Variants in ASIC2 observed in about 807,000 individuals in gnomAD.
ASIC2 encodes acid sensing ion channel subunit 2.
ASIC2 carries 25 observed loss-of-function variants against 57.3 expected under a neutral mutation model. The observed-to-expected ratio is 0.44, with a 90% CI of 0.32 to 0.61. The LOEUF (loss-of-function observed/expected upper bound fraction) is 0.61. Ranked by LOEUF, ASIC2 falls within the 20% of genes least tolerant of loss-of-function variation. The pLI is 0.06. For missense variants in ASIC2, 641 were observed against 738.1 expected (o/e 0.87, Z 1.52); for synonymous variants, 319 against 307.5 (o/e 1.04, Z -0.39).
intron 1 of ASIC2, among the ~76,000 whole-genome samples, chr17:33,242,874 T>C (rs977487947): frequency 7.2e-5 from 11 of 152,092 alleles, no homozygotes; most frequent in Non-Finnish European, 4.4e-5. Flanking sequence ...GAGTAAGAGA[T>C]CTGGATCGAG....
chr17:33,961,168 A>G (rs914809032), intron 1 of ASIC2, among the ~76,000 whole-genome samples: 1 of 152,180 alleles, frequency 6.6e-6, no homozygotes, highest in Admixed American at 6.5e-5. Flanking sequence ...AAATAATTTG[A>G]CCGGCTTTGA....
intron 3 of ASIC2, among the ~76,000 whole-genome samples, chr17:33,034,854 A>G (rs142801673): frequency 7.3e-4 from 111 of 152,268 alleles, no homozygotes; most frequent in African/African-American, 2.6e-3. Context: ...TCCTGGATCT[A>G]TGAAATGATG....
At chr17:33,844,057 C>T (rs1006545111) in intron 1 of ASIC2, among the ~76,000 whole-genome samples, 21 of 152,198 alleles carry the variant, frequency 1.4e-4, no homozygotes, top group African/African-American at 2.9e-4. Flanking sequence ...CACAAAGATG[C>T]AATCTTCATA....
At chr17:33,393,174 C>G (rs190930268) in intron 1 of ASIC2, among the ~76,000 whole-genome samples, 1 of 152,078 alleles carries the variant, frequency 6.6e-6, no homozygotes, top group African/African-American at 2.4e-5. Context: ...TCAATGGCTC[C>G]CTGGTGCCTA....
intron 1 of ASIC2, among the ~76,000 whole-genome samples, chr17:34,068,030 T>G (rs1037065757): frequency 1.3e-5 from 2 of 152,226 alleles, no homozygotes; most frequent in African/African-American, 4.8e-5. Context: ...CATTGGTTGC[T>G]TGCTTTTACA....
At chr17:33,869,194 A>T (rs149689601) in intron 1 of ASIC2, among the ~76,000 whole-genome samples, 118 of 152,338 alleles carry the variant, frequency 7.7e-4, no homozygotes, top group Non-Finnish European at 1.3e-3. Context: ...TGCACATTGA[A>T]ACCCACAATG....
chr17:33,809,853 C>T (rs1912370101), intron 1 of ASIC2, among the ~76,000 whole-genome samples: 1 of 152,198 alleles, frequency 6.6e-6, no homozygotes, highest in Non-Finnish European at 1.5e-5. Flanking sequence ...GATCACAGCA[C>T]ATATTCCTGC....
At chr17:33,823,664 T>A (rs1380909961) in intron 1 of ASIC2, among the ~76,000 whole-genome samples, 2 of 152,220 alleles carry the variant, frequency 1.3e-5, no homozygotes, top group Admixed American at 1.3e-4. Context: ...TTGGTCTCTA[T>A]GTTGCAGGCA....
chr17:34,108,489 A>C (rs2142107911), intron 1 of ASIC2, among the ~76,000 whole-genome samples: 1 of 152,268 alleles, frequency 6.6e-6, no homozygotes, highest in Non-Finnish European at 1.5e-5. Flanking sequence ...CATATAACTT[A>C]CCCTATTACC....
intron 1 of ASIC2, among the ~76,000 whole-genome samples, chr17:33,610,409 G>A (rs951415555): frequency 2.6e-5 from 4 of 151,976 alleles, no homozygotes; most frequent in Admixed American, 1.3e-4. Flanking sequence ...TGCCCGCCTC[G>A]GCCTCCCAAA....
intron 1 of ASIC2, among the ~76,000 whole-genome samples, chr17:33,844,155 T>C (rs2141910458): frequency 1.3e-5 from 2 of 152,344 alleles, no homozygotes; most frequent in African/African-American, 4.8e-5. Context: ...AGTGTGCTGG[T>C]AATACAGGTT....
chr17:33,685,775 A>G (rs904280843), intron 1 of ASIC2, among the ~76,000 whole-genome samples: 79 of 152,266 alleles, frequency 5.2e-4, no homozygotes, highest in African/African-American at 1.9e-3. Flanking sequence ...CACCAGCCCC[A>G]TTGGTCAGGT....
At chr17:33,694,629 C>A (rs188257677) in intron 1 of ASIC2, among the ~76,000 whole-genome samples, 2 of 152,270 alleles carry the variant, frequency 1.3e-5, no homozygotes, top group East Asian at 3.9e-4. Context: ...GGAAGAGACC[C>A]AGTCAAGCTA....
At chr17:33,018,911 A>T (rs1475358756) in intron 7 of ASIC2, among the ~76,000 whole-genome samples, 2 of 152,322 alleles carry the variant, frequency 1.3e-5, no homozygotes, top group East Asian at 3.9e-4. Context: ...TCTGGTAGGC[A>T]GATCTGCCCC....
chr17:33,045,122 C>T (rs571531750), intron 3 of ASIC2, among the ~76,000 whole-genome samples: 10 of 152,132 alleles, frequency 6.6e-5, no homozygotes, highest in Non-Finnish European at 2.9e-5. Context: ...ACTGTACCAG[C>T]TGAGGGCCTG....
chr17:33,669,973 C>A (rs1173777831), intron 1 of ASIC2, among the ~76,000 whole-genome samples: 1 of 152,112 alleles, frequency 6.6e-6, no homozygotes, highest in Admixed American at 6.5e-5. Context: ...TTAAGGTGGG[C>A]TTCCTGTAGA....
At chr17:33,702,452 G>A (rs544521592) in intron 1 of ASIC2, among the ~76,000 whole-genome samples, 5 of 152,238 alleles carry the variant, frequency 3.3e-5, no homozygotes, top group African/African-American at 9.6e-5. Flanking sequence ...CTTGAAATCT[G>A]GGCAACCCAA....
chr17:33,334,827 A>G (rs1302930849), intron 1 of ASIC2, among the ~76,000 whole-genome samples: 1 of 152,200 alleles, frequency 6.6e-6, no homozygotes, highest in African/African-American at 2.4e-5. Context: ...AGGCAAGCGC[A>G]AGACTAATGA....
chr17:34,153,901 G>A (rs1010333049), intron 1 of ASIC2, among the ~76,000 whole-genome samples: 13 of 152,162 alleles, frequency 8.5e-5, no homozygotes, highest in African/African-American at 3.1e-4. Context: ...AAGCTCAGGC[G>A]AACTTTAAGG....
Sources: allele counts gnomAD v4.1 joint callset (sites outside exome capture counted in the v4.1 genomes callset), GRCh38; gene constraint gnomAD v4.1.1; transcripts MANE v1.5; gene names NCBI Gene and HGNC (gene_info 2026-07-23, HGNC 2026-07-21).